Variants in SNX14 observed in about 807,000 individuals in gnomAD.
SNX14 encodes sorting nexin 14.
Under a neutral mutation model 133.8 loss-of-function variants are expected in SNX14, and 93 were observed. That is an observed-to-expected ratio of 0.70 (90% CI 0.59 to 0.83). The LOEUF (loss-of-function observed/expected upper bound fraction) is 0.83, where lower values mean the gene tolerates loss of function less well. Among genes scored for constraint, SNX14 ranks in the 40% least tolerant of loss-of-function variants. The probability of loss-of-function intolerance (pLI) is 0.00; values close to 1 mark genes in which losing one functional copy is unlikely to be tolerated. For missense variants in SNX14, 945 were observed against 1,094.9 expected (o/e 0.86, Z 1.93); for synonymous variants, 368 against 365.6 (o/e 1.01, Z -0.07).
intron 1 of SNX14, among the ~76,000 whole-genome samples, chr6:85,586,914 T>C (rs534754435): frequency 1.3e-5 from 2 of 152,136 alleles, no homozygotes; most frequent in South Asian, 4.2e-4. Context: ...GGCATGATGG[T>C]GGATGCCTGT....
chr6:85,570,399 G>C (rs1225301716), intron 4 of SNX14, among the ~76,000 whole-genome samples: 1 of 151,984 alleles, frequency 6.6e-6, no homozygotes, highest in Non-Finnish European at 1.5e-5. Context: ...CCTCAACTTC[G>C]CACTCTCCAA....
At chr6:85,586,455 G>C (rs907405363) in intron 1 of SNX14, among the ~76,000 whole-genome samples, 4 of 152,144 alleles carry the variant, frequency 2.6e-5, no homozygotes, top group Non-Finnish European at 5.9e-5. Flanking sequence ...ATACCAATTA[G>C]AACAACTGCA....
At chr6:85,546,850 AC>A in intron 12 of SNX14, among the ~76,000 whole-genome samples, 1 of 152,050 alleles carries the variant, frequency 6.6e-6, no homozygotes, top group African/African-American at 2.4e-5. Flanking sequence ...AATCCCAGCT[AC>A]TTGGGAGACT....
chr6:85,520,870 C>T (rs1412152245), intron 21 of SNX14, among the ~76,000 whole-genome samples: 3 of 152,184 alleles, frequency 2.0e-5, no homozygotes, highest in African/African-American at 7.2e-5. Context: ...CATTCAATTG[C>T]TGATGAACAT....
chr6:85,550,674 T>C (rs918672251), intron 7 of SNX14, among the ~76,000 whole-genome samples: 9 of 152,090 alleles, frequency 5.9e-5, no homozygotes, highest in Non-Finnish European at 1.2e-4. Context: ...AATTTTTGTA[T>C]TTTTTGTGGA....
intron 23 of SNX14, 70 bp from the exon 24 acceptor site, chr6:85,514,699 TTAAG>T (rs1774199950): frequency 1.3e-6 from 2 of 1,487,112 alleles, no homozygotes; most frequent in Non-Finnish European, 9.2e-7. Flanking sequence ...TCAATAAGGA[TTAAG>T]TGTCACACAG....
Position 85,574,276 on chromosome 6 carries a change from T to C in SNX14, c.243A>G (p.Thr81=). ...PDSLLPNIFF[T]IKYKPKQLGL... Reference sequence around the variant, plus strand: ...ATTTTACCTTGGGTTTGTATTTTATTGTGAAGAATATATTTGGTAAGAGAG... The same window carrying C: ...ATTTTACCTTGGGTTTGTATTTTATCGTGAAGAATATATTTGGTAAGAGAG... Residue 81 remains threonine (T), a synonymous_variant, in exon 2 of 29, where the codon ACA becomes ACG. Transcript: ENST00000314673. 2 of 1,587,680 alleles carry C rather than the reference T, an allele frequency of 1.3e-6. No individual in the cohort carries two copies. Among genetic ancestry groups the C allele is most frequent in the African/African-American group, 1.3e-5 (1 of 74,590 alleles).
At position 85,517,895 on chromosome 6, in the gene SNX14, T is replaced by C. The variant is rs375087450; in HGVS notation, c.2149-20A>G. 1.3e-6 allele frequency: 2 copies of C among 1,580,360 alleles called. No homozygotes were observed. The highest frequency in any genetic ancestry group is 2.4e-5 in the South Asian group (2 of 84,282). On this transcript the variant is annotated intron_variant, in intron 22 of 28. Transcript: ENST00000314673. ...ACCTTTCTGTGGTGATAGATTATTG[T>C]AAGAAAATAAAAAATAAAGGTAATT...
Position 85,530,220 on chromosome 6 carries a change from T to C in SNX14, c.1866A>G (p.Val622=). Residue 622 remains valine, a synonymous_variant, in exon 19 of 29, where the codon GTA becomes GTG. Coordinates refer to ENST00000314673, the MANE Select transcript of SNX14 (RefSeq NM_153816.6). Reference sequence around the variant, plus strand: ...GAAATTCTGTTAGTTTTGATTCAAGTACATAGAATTCAAGATATCTTCTAT... The same window carrying C: ...GAAATTCTGTTAGTTTTGATTCAAGCACATAGAATTCAAGATATCTTCTAT... ...SVYRRYLEFY[V]LESKLTEFHG... 1 of 1,600,522 alleles carries C rather than the reference T, an allele frequency of 6.2e-7. No homozygotes were observed.
chr6:85,541,873 C>T (rs1208410012), intron 15 of SNX14, 112 bp downstream of exon 15: 2 of 671,592 alleles, frequency 3.0e-6, no homozygotes, highest in East Asian at 3.0e-5. Flanking sequence ...GCCTTGTGAA[C>T]TCATATAACA....
At position 85,546,766 on chromosome 6, in the gene SNX14, C is replaced by A. The variant is rs375549579; in HGVS notation, c.1108+346G>T. On this transcript the variant is annotated intron_variant, in intron 12 of 28. Coordinates refer to ENST00000314673, the MANE Select transcript of SNX14 (RefSeq NM_153816.6). ...TCACCTGAGGTCGGGAATTCAAGAC[C>A]AGCCTGACCAACATGGAGAAACCCC... Among the ~76,000 whole-genome samples, 38 of 152,068 alleles carry A rather than the reference C, an allele frequency of 2.5e-4. No homozygotes were observed. The East Asian group carries it at 3.3e-3, about 13-fold the overall frequency.
chr6:85,580,144 C>T (rs940733969), intron 1 of SNX14, among the ~76,000 whole-genome samples: 6 of 152,122 alleles, frequency 3.9e-5, no homozygotes, highest in African/African-American at 1.4e-4. Context: ...AACTTAGATA[C>T]CATCTCAGGG....
chr6:85,512,038 C>CA (rs1463534098), intron 26 of SNX14, among the ~76,000 whole-genome samples: 4 of 152,102 alleles, frequency 2.6e-5, no homozygotes, highest in African/African-American at 4.8e-5. Flanking sequence ...CTCAGGCCCC[C>CA]CTGACCCCCT....
chr6:85,584,899 G>T (rs1174549323), intron 1 of SNX14, among the ~76,000 whole-genome samples: 1 of 152,150 alleles, frequency 6.6e-6, no homozygotes, highest in Non-Finnish European at 1.5e-5. Flanking sequence ...CCATTACTGG[G>T]TATATACCCA....
chr6:85,525,192 C>A (rs1778158576), intron 21 of SNX14, among the ~76,000 whole-genome samples: 1 of 152,092 alleles, frequency 6.6e-6, no homozygotes, highest in Admixed American at 6.5e-5. Flanking sequence ...AGTATCCCAG[C>A]AGACTGTGCT....
At chr6:85,549,678 T>C (rs1243015585) in intron 8 of SNX14, 45 bp downstream of exon 8, 1 of 1,532,788 alleles carries the variant, frequency 6.5e-7, no homozygotes, top group Non-Finnish European at 8.8e-7. Flanking sequence ...AATATACATA[T>C]GGCATGTTAT....
At chr6:85,578,344 C>A (rs1797963268) in intron 1 of SNX14, among the ~76,000 whole-genome samples, 1 of 151,912 alleles carries the variant, frequency 6.6e-6, no homozygotes, top group African/African-American at 2.4e-5. Flanking sequence ...ACAGGAGATC[C>A]TGAGAGTAAA....
intron 18 of SNX14, among the ~76,000 whole-genome samples, chr6:85,530,711 T>C (rs1780017038): frequency 6.6e-6 from 1 of 152,064 alleles, no homozygotes; most frequent in Admixed American, 6.6e-5. Flanking sequence ...ACAGTTGTAA[T>C]TTGTTATTTT....
intron 1 of SNX14, among the ~76,000 whole-genome samples, chr6:85,585,664 T>G (rs1305091036): frequency 6.7e-6 from 1 of 148,736 alleles, no homozygotes; most frequent in Non-Finnish European, 1.5e-5. Flanking sequence ...GCATTTATCC[T>G]ACTTTTCCAA....
Sources: gnomAD v4.1 joint callset for allele counts (sites outside exome capture counted in the v4.1 genomes callset) on GRCh38, gnomAD v4.1.1 for gene constraint, MANE v1.5 for transcripts, NCBI Gene and HGNC (gene_info 2026-07-23, HGNC 2026-07-21) for gene names.